CD33: variants seen among roughly 807,000 people sequenced by gnomAD.
The protein encoded by CD33 is myeloid cell surface antigen CD33.
In CD33, 25 loss-of-function variants were observed where a neutral mutation model predicts 31.4. The observed-to-expected ratio is 0.80, with a 90% CI of 0.58 to 1.11. The LOEUF is 1.11. Ranked by LOEUF, CD33 falls within the 50% of genes most tolerant of loss-of-function variation. CD33 has a pLI of 0.00. For missense variants in CD33, 407 were observed against 448.1 expected, an observed-to-expected ratio of 0.91 and a Z score of 0.83; for synonymous variants, 176 against 180.6, an observed-to-expected ratio of 0.97 and a Z score of 0.20.
At chr19:51,235,736 C>G (rs780507431) in intron 6 of CD33, 60 bp downstream of exon 6, 1 of 1,352,698 alleles carries the variant, frequency 7.4e-7, no homozygotes, top group Non-Finnish European at 1.0e-6. Flanking sequence ...CCCAATGTGG[C>G]CCACCGTCAT....
At chr19:51,235,546 C>A in intron 5 of CD33, 49 bp from the exon 6 acceptor site, 1 of 1,582,308 alleles carries the variant, frequency 6.3e-7, no homozygotes, top group Non-Finnish European at 8.6e-7. Context: ...TAACAATGGC[C>A]CCACAGCCTG....
the CD33 span, among the ~76,000 whole-genome samples, chr19:51,213,156 T>C: frequency 6.6e-6 from 1 of 152,238 alleles, no homozygotes; most frequent in African/African-American, 2.4e-5. Context: ...GTCAAGGTGC[T>C]TGTTTTCGTC....
the CD33 span, chr19:51,211,295 C>G: frequency 6.4e-7 from 1 of 1,570,584 alleles, no homozygotes; most frequent in East Asian, 2.2e-5. Context: ...GTGCCCTGCA[C>G]TTTCTCCCAT....
At chr19:51,220,729 C>T (rs907971491), upstream of CD33, among the ~76,000 whole-genome samples, 3 of 152,104 alleles carry the variant, frequency 2.0e-5, no homozygotes, top group Non-Finnish European at 4.4e-5. Flanking sequence ...ATTACTGAGC[C>T]GCTGTGTGAT....
the CD33 span, among the ~76,000 whole-genome samples, chr19:51,219,083 A>T: frequency 6.6e-6 from 1 of 152,054 alleles, no homozygotes; most frequent in South Asian, 2.1e-4. Context: ...TTTGATAGGA[A>T]TTGCATTGAA....
the CD33 span, among the ~76,000 whole-genome samples, chr19:51,214,170 T>TATTTAAAAGATGTATAGCCTAATAGTGAG: frequency 7.1e-6 from 1 of 141,240 alleles, no homozygotes; most frequent in Middle Eastern, 3.5e-3. Flanking sequence ...TCATTTTTCT[T>TATTTAAAAGATGTATAGCCTAATAGTGAG]TTCCTTTTTT....
chr19:51,215,892 T>A, the CD33 span, among the ~76,000 whole-genome samples: 1 of 152,086 alleles, frequency 6.6e-6, no homozygotes, highest in Non-Finnish European at 1.5e-5. Flanking sequence ...TGCCTCCCTG[T>A]CTCCCCAGCA....
chr19:51,232,584 C>T (rs1025980147), intron 4 of CD33, among the ~76,000 whole-genome samples: 1 of 152,084 alleles, frequency 6.6e-6, no homozygotes, highest in Non-Finnish European at 1.5e-5. Flanking sequence ...AGGTTTCCTT[C>T]GTTCTATTTT....
At chr19:51,235,399 C>T (rs1042538116) in intron 5 of CD33, 146 bp downstream of exon 5, 66 of 1,217,210 alleles carry the variant, frequency 5.4e-5, no homozygotes, top group South Asian at 2.2e-4. Context: ...CTGGGATAGG[C>T]GTGGGTCTAT....
chr19:51,216,600 C>T, the CD33 span, among the ~76,000 whole-genome samples: 30 of 150,490 alleles, frequency 2.0e-4, no homozygotes, highest in African/African-American at 6.9e-4. Flanking sequence ...CCCAGCTACT[C>T]GGGAAGCTGA....
intron 4 of CD33, among the ~76,000 whole-genome samples, chr19:51,231,668 CA>C (rs1981431729): frequency 6.8e-6 from 1 of 147,118 alleles, no homozygotes; most frequent in African/African-American, 2.5e-5. Context: ...TATGGGCTGT[CA>C]GTGAGTTTTA....
chr19:51,231,766 A>AT (rs796405589), intron 4 of CD33, among the ~76,000 whole-genome samples: 1,712 of 136,572 alleles, frequency 0.013, 28 homozygotes, highest in African/African-American at 0.042. Context: ...TATTTTTATT[A>AT]TTTTTTTTTT....
chr19:51,237,571 T>C (rs1052630275), intron 6 of CD33: 7 of 152,354 alleles, frequency 4.6e-5, no homozygotes, highest in African/African-American at 1.4e-4. Context: ...GCAAGTACCA[T>C]GGCTCTGAGG....
chr19:51,231,728 G>A (rs1981436461), intron 4 of CD33, among the ~76,000 whole-genome samples: 1 of 150,674 alleles, frequency 6.6e-6, no homozygotes, highest in Non-Finnish European at 1.5e-5. Context: ...ACTCCCTTGA[G>A]CATTTCTTTT....
intron 6 of CD33, chr19:51,238,385 C>G (rs1026158787): frequency 6.6e-6 from 1 of 152,172 alleles, no homozygotes; most frequent in African/African-American, 2.4e-5. Context: ...TCCCTATCAA[C>G]ATCCAATAAT....
chr19:51,239,473 C>T (rs888013448), intron 6 of CD33, 45 bp from the exon 7 acceptor site: 8 of 1,449,860 alleles, frequency 5.5e-6, no homozygotes, highest in African/African-American at 1.4e-5. Context: ...TCCTGGTCCC[C>T]CTCCTCACTG....
intron 5 of CD33, 87 bp from the exon 6 acceptor site, chr19:51,235,508 C>T: frequency 1.3e-6 from 2 of 1,498,542 alleles, no homozygotes; most frequent in Middle Eastern, 2.0e-4. Context: ...CCACCCTTTA[C>T]CTGCCAAAGT....
intron 4 of CD33, among the ~76,000 whole-genome samples, chr19:51,229,627 TTA>T (rs1285523117): frequency 6.6e-6 from 1 of 152,164 alleles, no homozygotes; most frequent in Non-Finnish European, 1.5e-5. Context: ...TCTCGGTAGA[TTA>T]TATGTGTCCA....
In CD33 at chr19:51,226,301, T is replaced by G. The variant is rs756241703; in HGVS notation, c.698-8T>G. On this transcript the variant is annotated splice_region_variant and splice_polypyrimidine_tract_variant and intron_variant, in intron 3 of 6. Transcript: ENST00000262262. Reference sequence around the variant, plus strand: ...CCAACTGAAGGAAATCCTCTCTTCCTCTCCTAGATGTTCCACAGAACCCAA... The same window carrying G: ...CCAACTGAAGGAAATCCTCTCTTCCGCTCCTAGATGTTCCACAGAACCCAA... 5.5e-5 allele frequency: 88 copies of G among 1,613,354 alleles called. No homozygotes were observed. In the Admixed American group the frequency reaches 1.5e-3, roughly 27 times the overall value.
Sources: gnomAD v4.1 joint callset for allele counts (sites outside exome capture counted in the v4.1 genomes callset) on GRCh38, gnomAD v4.1.1 for gene constraint, MANE v1.5 for transcripts, NCBI Gene and HGNC (gene_info 2026-07-23, HGNC 2026-07-21) for gene names.